CHCHD6: variants seen among roughly 807,000 people sequenced by gnomAD.
CHCHD6 encodes the protein MICOS complex subunit MIC25.
Under a neutral mutation model 32.3 loss-of-function variants are expected in CHCHD6, and 28 were observed. The ratio of observed to expected loss-of-function variants is 0.87; its 90% CI spans 0.64 to 1.19. CHCHD6 has a LOEUF of 1.19. CHCHD6 is among the 50% of genes most tolerant of loss of function. CHCHD6 has a pLI of 0.00. For missense variants in CHCHD6, 333 were observed against 307.0 expected (o/e 1.08, Z -0.63); for synonymous variants, 122 against 117.5 (o/e 1.04, Z -0.25).
rs1189706418 is a variant in CHCHD6, at chr3:126,942,913, TG to T, written c.567-14496del. 7.2e-5 allele frequency among the ~76,000 whole-genome samples: 11 copies of T among 152,262 alleles called. No individual in the cohort carries two copies. In the South Asian group the frequency reaches 2.3e-3, roughly 32 times the overall value. On this transcript the variant is annotated intron_variant, in intron 6 of 7. Coordinates refer to ENST00000290913, the MANE Select transcript of CHCHD6 (RefSeq NM_032343.3). Reference sequence around the variant, plus strand: ...ATGCGTGAGGACTGCCATCTGTGTGTGGGGGGGAGTATTTCACAAGTCCATA... The same window carrying T: ...ATGCGTGAGGACTGCCATCTGTGTGTGGGGGGAGTATTTCACAAGTCCATA...
At chr3:126,778,969 G>T (rs968220752) in intron 4 of CHCHD6, among the ~76,000 whole-genome samples, 2 of 140,632 alleles carry the variant, frequency 1.4e-5, no homozygotes, top group Non-Finnish European at 3.0e-5. Context: ...GTCTCACTAT[G>T]TTGCCTAGGC....
intron 3 of CHCHD6, among the ~76,000 whole-genome samples, chr3:126,731,098 TAAAAAAA>T (rs34596059): frequency 5.4e-5 from 4 of 73,982 alleles, no homozygotes; most frequent in Non-Finnish European, 1.0e-4. Context: ...ACCCTGTCTC[TAAAAAAA>T]AAAAAAAAAA....
chr3:126,822,133 C>T (rs1009149620), intron 4 of CHCHD6, among the ~76,000 whole-genome samples: 2 of 152,094 alleles, frequency 1.3e-5, no homozygotes, highest in Non-Finnish European at 2.9e-5. Context: ...TATAAAAATC[C>T]ATTGCCCAGT....
intron 5 of CHCHD6, among the ~76,000 whole-genome samples, chr3:126,879,567 CAG>C (rs2077581212): frequency 6.6e-6 from 1 of 152,096 alleles, no homozygotes; most frequent in Admixed American, 6.6e-5. Context: ...CACAAGAGGC[CAG>C]AGAAAGGCTG....
chr3:126,791,694 C>T (rs1041095923), intron 4 of CHCHD6, among the ~76,000 whole-genome samples: 1 of 152,238 alleles, frequency 6.6e-6, no homozygotes, highest in Non-Finnish European at 1.5e-5. Context: ...ACTGCAGCCT[C>T]CACCTCCCAG....
intron 1 of CHCHD6, among the ~76,000 whole-genome samples, chr3:126,726,791 A>G (rs773356772): frequency 5.9e-5 from 9 of 152,110 alleles, no homozygotes; most frequent in Non-Finnish European, 1.0e-4. Context: ...GAAAAGTGAG[A>G]CATCAGGTTC....
At chr3:126,781,046 C>G (rs918631060) in intron 4 of CHCHD6, among the ~76,000 whole-genome samples, 1 of 152,148 alleles carries the variant, frequency 6.6e-6, no homozygotes, top group Non-Finnish European at 1.5e-5. Flanking sequence ...TCAGACCCAC[C>G]ACTGTAAAGG....
chr3:126,738,754 A>G (rs1936165553), intron 4 of CHCHD6, among the ~76,000 whole-genome samples: 1 of 152,256 alleles, frequency 6.6e-6, no homozygotes, highest in African/African-American at 2.4e-5. Flanking sequence ...CTTCTATAGA[A>G]TGGGTGACAA....
rs955774492 is a variant in CHCHD6, at chr3:126,733,023, T to G, written c.267-55T>G. ...GAGTGCGCAGATCTTGTCTTGGCTATGGGCTGCCCGTCATGCCATCCACAT... is the reference window on the plus strand; with the variant it reads ...GAGTGCGCAGATCTTGTCTTGGCTAGGGGCTGCCCGTCATGCCATCCACAT... On this transcript the variant is annotated intron_variant, in intron 3 of 7. Coordinates refer to ENST00000290913, the MANE Select transcript of CHCHD6 (RefSeq NM_032343.3). 2.5e-6 allele frequency: 4 copies of G among 1,597,442 alleles called. No individual in the cohort carries two copies. The Admixed American group carries it at 6.7e-5, about 27-fold the overall frequency.
intron 5 of CHCHD6, among the ~76,000 whole-genome samples, chr3:126,901,064 G>T (rs939250142): frequency 1.2e-4 from 19 of 152,244 alleles, no homozygotes; most frequent in Admixed American, 1.2e-3. Context: ...ATTCAGTAGG[G>T]ACACGGATCC....
At chr3:126,940,805 T>C (rs567472542) in intron 6 of CHCHD6, among the ~76,000 whole-genome samples, 2 of 152,336 alleles carry the variant, frequency 1.3e-5, no homozygotes, top group South Asian at 4.1e-4. Context: ...TCTTCAAGTA[T>C]TAAGTGAGGG....
At chr3:126,817,608 A>G (rs1939960291) in intron 4 of CHCHD6, among the ~76,000 whole-genome samples, 1 of 152,214 alleles carries the variant, frequency 6.6e-6, no homozygotes, top group Non-Finnish European at 1.5e-5. Context: ...AGGGGCTATC[A>G]GCTGCTTTCC....
At chr3:126,772,758 T>C (rs955924148) in intron 4 of CHCHD6, among the ~76,000 whole-genome samples, 1 of 152,228 alleles carries the variant, frequency 6.6e-6, no homozygotes, top group Admixed American at 6.5e-5. Flanking sequence ...TATGTGTGAA[T>C]TTGAACTTGT....
intron 1 of CHCHD6, among the ~76,000 whole-genome samples, chr3:126,722,510 G>C (rs547586664): frequency 2.0e-5 from 3 of 152,030 alleles, no homozygotes; most frequent in Non-Finnish European, 2.9e-5. Context: ...GGTGTGATGT[G>C]GTACCTTATT....
intron 4 of CHCHD6, among the ~76,000 whole-genome samples, chr3:126,814,819 A>G (rs368966351): frequency 6.6e-6 from 1 of 152,184 alleles, no homozygotes; most frequent in East Asian, 1.9e-4. Context: ...ACCTAAAGCC[A>G]GTCAGTCAGC....
At chr3:126,905,088 A>G (rs747725092) in intron 5 of CHCHD6, among the ~76,000 whole-genome samples, 1 of 152,146 alleles carries the variant, frequency 6.6e-6, no homozygotes, top group Non-Finnish European at 1.5e-5. Context: ...AATGTGTCAC[A>G]TCCAGAACGA....
At chr3:126,946,597 C>T (rs941029799) in intron 6 of CHCHD6, among the ~76,000 whole-genome samples, 7 of 152,304 alleles carry the variant, frequency 4.6e-5, no homozygotes, top group Middle Eastern at 3.4e-3. Context: ...ATAGCAATCC[C>T]GTGTGGCGTG....
At chr3:126,834,443 G>T (rs1457462722) in intron 4 of CHCHD6, among the ~76,000 whole-genome samples, 1 of 152,134 alleles carries the variant, frequency 6.6e-6, no homozygotes, top group Non-Finnish European at 1.5e-5. Context: ...ATAAGCAGAG[G>T]GAATTAATTG....
In CHCHD6 at chr3:126,734,717, G is replaced by A. The variant is rs971814211; in HGVS notation, c.411+1495G>A. On this transcript the variant is annotated intron_variant, in intron 4 of 7. Transcript: ENST00000290913. ...AATGCAAATGTATAAGCTGCTGGTG[G>A]ATCAGAGCTGGTAGATCAGAGACGG... is the stretch of plus-strand genomic sequence containing the variant. 2.6e-5 allele frequency among the ~76,000 whole-genome samples: 4 copies of A among 152,342 alleles called. 1 individual carries two copies. The highest frequency in any genetic ancestry group is 2.4e-5 in the African/African-American group (1 of 41,576).
Sources: gnomAD v4.1 joint callset for allele counts (sites outside exome capture counted in the v4.1 genomes callset) on GRCh38, gnomAD v4.1.1 for gene constraint, MANE v1.5 for transcripts, NCBI Gene and HGNC (gene_info 2026-07-23, HGNC 2026-07-21) for gene names.